The following DRAM1 variants were observed in gnomAD, a reference collection of about 807,000 sequenced individuals.
DRAM1 encodes DNA damage regulated autophagy modulator 1.
DRAM1 carries 25 observed loss-of-function variants against 28.5 expected under a neutral mutation model. The ratio of observed to expected loss-of-function variants is 0.88; its 90% CI spans 0.64 to 1.23. The LOEUF is 1.23. DRAM1 is among the 50% of genes most tolerant of loss of function. The pLI is 0.00. For missense variants in DRAM1, 249 were observed against 299.2 expected (o/e 0.83, Z 1.24); for synonymous variants, 113 against 114.2 (o/e 0.99, Z 0.07).
At chr12:101,917,996 A>G (rs953718555) in intron 5 of DRAM1, among the ~76,000 whole-genome samples, 3 of 152,186 alleles carry the variant, frequency 2.0e-5, no homozygotes, top group Non-Finnish European at 4.4e-5. Flanking sequence ...AAAATCTGTT[A>G]TATTCCACTT....
chr12:101,899,891 T>C (rs1159093052), intron 2 of DRAM1, among the ~76,000 whole-genome samples: 1 of 152,218 alleles, frequency 6.6e-6, no homozygotes, highest in Non-Finnish European at 1.5e-5. Flanking sequence ...TTTCTGGTAT[T>C]TTGTAATTCT....
At chr12:101,885,550 CAG>C (rs1872856225) in intron 1 of DRAM1, among the ~76,000 whole-genome samples, 1 of 99,990 alleles carries the variant, frequency 1.0e-5, no homozygotes, top group Admixed American at 1.2e-4. Flanking sequence ...TTTTTTTTGA[CAG>C]AGTTTTGCTC....
intron 5 of DRAM1, among the ~76,000 whole-genome samples, chr12:101,917,163 T>C (rs893587976): frequency 1.3e-5 from 2 of 152,206 alleles, no homozygotes; most frequent in Non-Finnish European, 2.9e-5. Context: ...TAGAAGCCAA[T>C]GGCAAGAAGT....
chr12:101,907,699 A>G (rs986303510), intron 3 of DRAM1, among the ~76,000 whole-genome samples: 1 of 152,196 alleles, frequency 6.6e-6, no homozygotes, highest in African/African-American at 2.4e-5. Context: ...AGTTCATGTC[A>G]CTGCACTCCA....
chr12:101,922,027 T>C lies in DRAM1; in HGVS notation c.*767T>C, dbSNP rs1288521563. On this transcript the variant is annotated 3_prime_UTR_variant, in exon 7 of 7. Transcript: ENST00000258534. ...CAAGTCAGGTGAAAACCATCCTTTA[T>C]TGTTGCTGGCACAACTTGATATATA... 1.3e-5 allele frequency: 2 copies of C among 152,352 alleles called. No homozygotes were observed. Among genetic ancestry groups the C allele is most frequent in the Non-Finnish European group, 2.9e-5 (2 of 68,036 alleles). The allele number at this position is 152,352 out of a possible 1,614,324, so 9.4% of individuals were successfully genotyped here. A position where few individuals can be genotyped will look rare whatever the true frequency, so the allele number is the denominator to read the frequency against.
rs904169394 is a variant in DRAM1, at chr12:101,877,980, T to C, written c.131+60T>C. 5 of 1,379,694 alleles carry C rather than the reference T, an allele frequency of 3.6e-6. No individual in the cohort carries two copies. In the Admixed American group the frequency reaches 1.3e-4, roughly 35 times the overall value. 85.5% of individuals were successfully genotyped at this position (1,379,694 alleles called of 1,614,324 possible). A position where few individuals can be genotyped will look rare whatever the true frequency, so the allele number is the denominator to read the frequency against. ...CAGGCACAGGGACCACAGGGAGCGC[T>C]GCCGACGGGGAGGGAAGGCGTCCGG... On this transcript the variant is annotated intron_variant, in intron 1 of 6. Transcript: ENST00000258534. This position sits in a 1 kb window ranked among gnomAD's most constrained non-coding sequence, Gnocchi z 4.1.
rs540246709 is a variant in DRAM1, at chr12:101,878,924, T to G, written c.131+1004T>G. 4.7e-4 allele frequency among the ~76,000 whole-genome samples: 72 copies of G among 152,042 alleles called. 1 individual carries two copies. The highest frequency in any genetic ancestry group is 1.0e-3 in the South Asian group (5 of 4,814). On this transcript the variant is annotated intron_variant, in intron 1 of 6. Transcript: ENST00000258534. ...TGTTTGTTTGTTTTTTTCCTTTTTT[T>G]GGGGGTGGGGGTGAGGAGTGTGGAG...
rs67125604 is a variant in DRAM1, at chr12:101,901,078, GGTGTGTGTGTGTGTGT to G, written c.200-182_200-167del. On this transcript the variant is annotated intron_variant, in intron 2 of 6. Transcript: ENST00000258534. Reference sequence around the variant, plus strand: ...TACATGAAAAGGACAACAGCCAAGGGGTGTGTGTGTGTGTGTGTGTGTGTGTGTGTGTGTGTGTGTG... The same window carrying G: ...TACATGAAAAGGACAACAGCCAAGGGGTGTGTGTGTGTGTGTGTGTGTGTG... 4.8e-3 allele frequency among the ~76,000 whole-genome samples: 692 copies of G among 143,036 alleles called. 7 individuals carry two copies. Among genetic ancestry groups the G allele is most frequent in the African/African-American group, 0.015 (566 of 38,616 alleles). The allele number at this position is 143,036 out of a possible 152,430, so 93.8% of individuals were successfully genotyped here.
intron 1 of DRAM1, among the ~76,000 whole-genome samples, chr12:101,895,358 A>G (rs991576538): frequency 3.3e-5 from 5 of 150,714 alleles, no homozygotes; most frequent in Non-Finnish European, 5.9e-5. Context: ...TTGTATTTTT[A>G]GTAGAAACAG....
intron 1 of DRAM1, among the ~76,000 whole-genome samples, chr12:101,891,784 G>A (rs1430336228): frequency 2.0e-5 from 3 of 152,198 alleles, no homozygotes; most frequent in Non-Finnish European, 4.4e-5. Context: ...GGTGGAGCTG[G>A]GCAGGGCCCA....
At chr12:101,897,730 G>A in intron 1 of DRAM1, 133 bp from the exon 2 acceptor site, 1 of 672,964 alleles carries the variant, frequency 1.5e-6, no homozygotes, top group Non-Finnish European at 2.6e-6. Context: ...AACAAAATCA[G>A]GCCAAATCTT....
intron 3 of DRAM1, among the ~76,000 whole-genome samples, chr12:101,903,542 G>A (rs1873676928): frequency 6.6e-6 from 1 of 152,148 alleles, no homozygotes; most frequent in Non-Finnish European, 1.5e-5. Context: ...GAGGAGCGGG[G>A]AGGTATTGGT....
intron 1 of DRAM1, among the ~76,000 whole-genome samples, chr12:101,885,071 T>C (rs1294946949): frequency 6.6e-6 from 1 of 152,032 alleles, no homozygotes; most frequent in Non-Finnish European, 1.5e-5. Flanking sequence ...GTAGCTGTGA[T>C]TAGAGGCATG....
intron 6 of DRAM1, 79 bp from the exon 7 acceptor site, chr12:101,921,137 A>G: frequency 1.0e-6 from 1 of 996,428 alleles, no homozygotes; most frequent in Non-Finnish European, 1.6e-6. Context: ...TAGGTGGTGC[A>G]GAGCTGTTGG....
chr12:101,884,149 G>A (rs1430682468), intron 1 of DRAM1, among the ~76,000 whole-genome samples: 1 of 152,012 alleles, frequency 6.6e-6, no homozygotes, highest in African/African-American at 2.4e-5. Flanking sequence ...CACTTTGGGA[G>A]GCTGAAGTGG....
chr12:101,888,580 T>A (rs1255859955), intron 1 of DRAM1, among the ~76,000 whole-genome samples: 1 of 151,952 alleles, frequency 6.6e-6, no homozygotes, highest in Non-Finnish European at 1.5e-5. Flanking sequence ...ATGGATGGAG[T>A]GTTGTTCAGC....
chr12:101,905,982 G>A (rs1005182778), intron 3 of DRAM1, among the ~76,000 whole-genome samples: 1 of 151,910 alleles, frequency 6.6e-6, no homozygotes, highest in African/African-American at 2.4e-5. Flanking sequence ...TAGATACGCG[G>A]TTTCACCACG....
At chr12:101,907,184 A>T in intron 3 of DRAM1, among the ~76,000 whole-genome samples, 1 of 129,428 alleles carries the variant, frequency 7.7e-6, no homozygotes. Flanking sequence ...TAAGCGACGG[A>T]GTGAGACCCT....
At chr12:101,887,611 A>G (rs1398520926) in intron 1 of DRAM1, among the ~76,000 whole-genome samples, 2 of 151,024 alleles carry the variant, frequency 1.3e-5, no homozygotes, top group East Asian at 1.9e-4. Flanking sequence ...GTTCGCTGCA[A>G]CCTCTGCCTC....
Sources: allele counts gnomAD v4.1 joint callset (sites outside exome capture counted in the v4.1 genomes callset), GRCh38; gene constraint gnomAD v4.1.1; non-coding constraint Gnocchi (gnomAD v3.1); transcripts MANE v1.5; gene names NCBI Gene and HGNC (gene_info 2026-07-23, HGNC 2026-07-21).